The following MME variants were observed in gnomAD, a reference collection of about 807,000 sequenced individuals.
MME encodes the protein membrane metalloendopeptidase.
A neutral mutation model predicts 113.2 loss-of-function variants in MME; 98 were observed. That is an observed-to-expected ratio of 0.87 (90% CI 0.74 to 1.02). The LOEUF (loss-of-function observed/expected upper bound fraction) is 1.02, where lower values mean the gene tolerates loss of function less well. MME is among the 50% of genes least tolerant of loss of function. MME has a pLI of 0.00. For missense variants in MME, 836 were observed against 896.0 expected (o/e 0.93, Z 0.86); for synonymous variants, 292 against 300.6 (o/e 0.97, Z 0.30).
intron 1 of MME, among the ~76,000 whole-genome samples, chr3:155,047,155 G>C (rs140529461): frequency 2.0e-5 from 3 of 152,162 alleles, no homozygotes. Context: ...TTCAAGGTAT[G>C]TATCCTATAC....
intron 1 of MME, among the ~76,000 whole-genome samples, chr3:155,062,048 A>T (rs1714167970): frequency 6.6e-6 from 1 of 152,046 alleles, no homozygotes; most frequent in Non-Finnish European, 1.5e-5. Context: ...CTCCTTTCCA[A>T]ACCCTTTAAC....
At chr3:155,037,844 G>A (rs1325721762) in intron 1 of MME, among the ~76,000 whole-genome samples, 1 of 152,158 alleles carries the variant, frequency 6.6e-6, no homozygotes, top group Non-Finnish European at 1.5e-5. Flanking sequence ...AATTGTGGGA[G>A]AAGAGTTAGC....
At chr3:155,071,886 G>T (rs1714573745) in intron 1 of MME, among the ~76,000 whole-genome samples, 1 of 152,144 alleles carries the variant, frequency 6.6e-6, no homozygotes, top group African/African-American at 2.4e-5. Context: ...TGTCGGCCGG[G>T]CGCGGTGGCT....
intron 16 of MME, among the ~76,000 whole-genome samples, chr3:155,155,285 A>G (rs1202525454): frequency 2.0e-5 from 3 of 152,236 alleles, no homozygotes; most frequent in Non-Finnish European, 4.4e-5. Flanking sequence ...TCATCTTCAA[A>G]CAACACAATT....
intron 3 of MME, among the ~76,000 whole-genome samples, chr3:155,087,597 C>T (rs1715876480): frequency 6.6e-6 from 1 of 152,196 alleles, no homozygotes; most frequent in Admixed American, 6.5e-5. Flanking sequence ...TTTCGGGAAA[C>T]TTCCACTTAC....
At chr3:155,042,900 T>TTATATATATATATA (rs1159626877) in intron 1 of MME, among the ~76,000 whole-genome samples, 6 of 62,956 alleles carry the variant, frequency 9.5e-5, no homozygotes, top group East Asian at 7.0e-4. Flanking sequence ...ATAGTAGGTT[T>TTATATATATATATA]TATATATATA....
At chr3:155,025,595 G>C (rs1162844165) in intron 1 of MME, among the ~76,000 whole-genome samples, 1 of 143,968 alleles carries the variant, frequency 6.9e-6, no homozygotes, top group East Asian at 2.1e-4. Flanking sequence ...TTGCACTCCA[G>C]CCTGGGAGAC....
chr3:155,047,818 A>G (rs1273619872), intron 1 of MME, among the ~76,000 whole-genome samples: 2 of 152,166 alleles, frequency 1.3e-5, no homozygotes, highest in Non-Finnish European at 2.9e-5. Context: ...AAGTATCTGT[A>G]GAAGCCAGTC....
intron 1 of MME, among the ~76,000 whole-genome samples, chr3:155,062,536 C>G (rs1714183805): frequency 6.6e-6 from 1 of 151,880 alleles, no homozygotes; most frequent in Admixed American, 6.6e-5. Context: ...AATTATTTCA[C>G]AATATTTTAC....
chr3:155,159,505 C>T lies in MME; in HGVS notation c.1602-885C>T, dbSNP rs770030701. Reference sequence around the variant, plus strand: ...TAAGATGAGAACTTTAGTCCTGTTGCGCAAAATTTCTGAACACATGATTAT... The same window carrying T: ...TAAGATGAGAACTTTAGTCCTGTTGTGCAAAATTTCTGAACACATGATTAT... On this transcript the variant is annotated intron_variant, in intron 16 of 22. Transcript: ENST00000360490. 1.3e-4 allele frequency among the ~76,000 whole-genome samples: 20 copies of T among 152,086 alleles called. No homozygotes were observed. The East Asian group carries it at 1.4e-3, about 10-fold the overall frequency.
At chr3:155,118,242 G>T (rs1718789778) in intron 7 of MME, among the ~76,000 whole-genome samples, 1 of 152,066 alleles carries the variant, frequency 6.6e-6, no homozygotes, top group Non-Finnish European at 1.5e-5. Flanking sequence ...TACCTTAGAG[G>T]TTTTCCACTT....
rs535742606 is a variant in MME at position 155,081,390 on chromosome 3, T to G, written c.-11+924T>G. 5.9e-5 allele frequency: 9 copies of G among 152,340 alleles called. 1 individual carries two copies. In the South Asian group the frequency reaches 1.7e-3, roughly 28 times the overall value. The allele number at this position is 152,340 out of a possible 1,614,324, so 9.4% of individuals were successfully genotyped here. A position where few individuals can be genotyped will look rare whatever the true frequency, so the allele number is the denominator to read the frequency against. ...GCTTTACATTGCTTTGAAATTAAGCTTACACTTAAAATAGTAATTTATTCT... is the reference window on the plus strand; with the variant it reads ...GCTTTACATTGCTTTGAAATTAAGCGTACACTTAAAATAGTAATTTATTCT... On this transcript the variant is annotated intron_variant, in intron 1 of 22. Coordinates refer to ENST00000360490, the MANE Select transcript of MME (RefSeq NM_007289.4).
rs10664276 is a variant in MME at position 155,116,607 on chromosome 3, T to TA, written c.439+48_439+49insA. The TA allele has an allele frequency of 2.8e-4, 403 of 1,443,084 alleles. 2 individuals carry two copies. Among genetic ancestry groups the TA allele is most frequent in the Middle Eastern group, 1.2e-3 (7 of 5,634 alleles). 89.4% of individuals were successfully genotyped at this position (1,443,084 alleles called of 1,614,324 possible). On this transcript the variant is annotated intron_variant, in intron 5 of 22. Coordinates refer to ENST00000360490, the MANE Select transcript of MME (RefSeq NM_007289.4). ...CATTAGGAGTATATATATATATATATTGGTGCCAAACTATGCCTAGATTTC... is the reference window on the plus strand; with the variant it reads ...CATTAGGAGTATATATATATATATATATGGTGCCAAACTATGCCTAGATTTC...
intron 1 of MME, among the ~76,000 whole-genome samples, chr3:155,048,637 C>T (rs1023038868): frequency 1.3e-5 from 2 of 151,994 alleles, no homozygotes; most frequent in African/African-American, 4.8e-5. Flanking sequence ...CACCTGGATC[C>T]TCATAAAATT....
intron 16 of MME, 80 bp from the exon 17 acceptor site, chr3:155,160,310 G>A: frequency 1.0e-6 from 1 of 955,808 alleles, no homozygotes; most frequent in Non-Finnish European, 1.7e-6. Flanking sequence ...TCTAGGAATG[G>A]TAATAATGCT....
intron 1 of MME, among the ~76,000 whole-genome samples, chr3:155,074,195 T>C (rs1714670375): frequency 6.6e-6 from 1 of 152,140 alleles, no homozygotes; most frequent in Non-Finnish European, 1.5e-5. Context: ...TTTACTTTCT[T>C]AGGATTTGTT....
chr3:155,070,766 C>T (rs866368267), intron 1 of MME, among the ~76,000 whole-genome samples: 4 of 152,104 alleles, frequency 2.6e-5, no homozygotes, highest in Non-Finnish European at 2.9e-5. Context: ...GCTTAGAAGA[C>T]GCATTTCTTC....
chr3:155,159,235 G>C (rs1297588516), intron 16 of MME, among the ~76,000 whole-genome samples: 1 of 152,050 alleles, frequency 6.6e-6, no homozygotes, highest in Admixed American at 6.6e-5. Flanking sequence ...TCACCTGGCA[G>C]AGCAGGGTCT....
intron 1 of MME, among the ~76,000 whole-genome samples, chr3:155,037,548 AC>A (rs1713167087): frequency 6.6e-6 from 1 of 152,108 alleles, no homozygotes; most frequent in Admixed American, 6.6e-5. Flanking sequence ...ATCACAGAGA[AC>A]GGGGGTAGGA....
Sources: gnomAD v4.1 joint callset for allele counts (sites outside exome capture counted in the v4.1 genomes callset) on GRCh38, gnomAD v4.1.1 for gene constraint, MANE v1.5 for transcripts, NCBI Gene and HGNC (gene_info 2026-07-23, HGNC 2026-07-21) for gene names.